GRXCR2: variants seen among roughly 807,000 people sequenced by gnomAD.
GRXCR2 encodes glutaredoxin domain-containing cysteine-rich protein 2.
GRXCR2 carries 23 observed loss-of-function variants against 24.8 expected under a neutral mutation model. The ratio of observed to expected loss-of-function variants is 0.93; its 90% CI spans 0.67 to 1.32. The LOEUF (loss-of-function observed/expected upper bound fraction) is 1.32. GRXCR2 is among the 40% of genes most tolerant of loss of function. The pLI, the probability that GRXCR2 is intolerant of heterozygous loss-of-function variation, is 0.00. For synonymous variants in GRXCR2, 130 were observed against 116.1 expected, an observed-to-expected ratio of 1.12 and a Z score of -0.77; for missense variants, 315 against 303.4, an observed-to-expected ratio of 1.04 and a Z score of -0.28.
chr5:145,916,171 C>T (rs185157482), intron 2 of GRXCR2, among the ~76,000 whole-genome samples: 6 of 151,672 alleles, frequency 4.0e-5, no homozygotes, highest in Admixed American at 2.6e-4. Context: ...TCATGTGTGA[C>T]GAGAAAGAAA....
At chr5:145,877,134 TAAAG>T (rs757928940), upstream of GRXCR2, among the ~76,000 whole-genome samples, 30 of 152,218 alleles carry the variant, frequency 2.0e-4, no homozygotes, top group African/African-American at 7.0e-4. Flanking sequence ...AAAATCATTT[TAAAG>T]AAAGAAAGAT....
chr5:145,875,274 G>C (rs1323590685), upstream of GRXCR2, among the ~76,000 whole-genome samples: 1 of 152,200 alleles, frequency 6.6e-6, no homozygotes, highest in South Asian at 2.1e-4. Flanking sequence ...AGGTGGCTGG[G>C]CGCGGTGGCT....
intron 2 of GRXCR2, among the ~76,000 whole-genome samples, chr5:145,930,735 G>A (rs1033808090): frequency 2.0e-5 from 3 of 152,276 alleles, no homozygotes; most frequent in South Asian, 2.1e-4. Flanking sequence ...ATTAGTCTGC[G>A]TTAGAATGAG....
intron 2 of GRXCR2, among the ~76,000 whole-genome samples, chr5:145,860,868 A>G (rs1756325654): frequency 1.3e-5 from 2 of 152,130 alleles, no homozygotes. Flanking sequence ...ATTATCTGTC[A>G]GATCATAGGT....
At chr5:145,897,060 C>T (rs1290847307) in intron 2 of GRXCR2, among the ~76,000 whole-genome samples, 2 of 144,670 alleles carry the variant, frequency 1.4e-5, no homozygotes, top group Middle Eastern at 3.6e-3. Flanking sequence ...CACATGTTCT[C>T]ACTCATAGGT....
chr5:145,910,837 A>AGTGT (rs59096502), intron 2 of GRXCR2, among the ~76,000 whole-genome samples: 32,366 of 150,186 alleles, frequency 0.22, 3,953 homozygotes, highest in Admixed American at 0.32. Context: ...AACTATGTGA[A>AGTGT]GTGTGTGTGT....
At chr5:145,876,214 TATACAC>T (rs1162832808), upstream of GRXCR2, among the ~76,000 whole-genome samples, 22 of 139,698 alleles carry the variant, frequency 1.6e-4, no homozygotes, top group African/African-American at 5.4e-4. Context: ...TATATATATA[TATACAC>T]ACACACACAC....
intron 2 of GRXCR2, among the ~76,000 whole-genome samples, chr5:145,901,512 T>G (rs1285182365): frequency 2.0e-5 from 3 of 152,120 alleles, no homozygotes; most frequent in Non-Finnish European, 2.9e-5. Flanking sequence ...GAGGTAAAAA[T>G]GCAGAGATTC....
At chr5:145,899,447 C>G (rs1182934331) in intron 2 of GRXCR2, among the ~76,000 whole-genome samples, 4 of 152,008 alleles carry the variant, frequency 2.6e-5, no homozygotes, top group African/African-American at 9.7e-5. Context: ...GCTCAAATAG[C>G]CAAAGCAATT....
At chr5:145,892,011 C>T (rs1044890953) in intron 2 of GRXCR2, among the ~76,000 whole-genome samples, 2 of 152,134 alleles carry the variant, frequency 1.3e-5, no homozygotes, top group Non-Finnish European at 2.9e-5. Flanking sequence ...CTGCTGATAC[C>T]CAGGCAAACA....
chr5:145,928,732 T>G lies in GRXCR2; in HGVS notation c.-70+6969A>C, dbSNP rs1027002620. Among the ~76,000 whole-genome samples the G allele has an allele frequency of 4.4e-3, 509 of 115,864 alleles. 1 individual carries two copies. Among genetic ancestry groups the G allele is most frequent in the Non-Finnish European group, 6.4e-3 (387 of 60,816 alleles). The allele number at this position is 115,864 out of a possible 152,430, so 76.0% of individuals were successfully genotyped here. ...ACACATGGACACAGGAAGGGGAACA[T>G]CACACACCAGGGCCTGTTGTGGGGT... On this transcript the variant is annotated intron_variant, in intron 2 of 3. Coordinates refer to the GRXCR2 transcript ENST00000639411.
chr5:145,891,238 C>T (rs1756860911), intron 2 of GRXCR2, among the ~76,000 whole-genome samples: 1 of 152,114 alleles, frequency 6.6e-6, no homozygotes, highest in African/African-American at 2.4e-5. Context: ...TCTGCATTTC[C>T]AACTGAGGTA....
At chr5:145,878,906 G>A (rs953204536) in intron 2 of GRXCR2, among the ~76,000 whole-genome samples, 1 of 151,912 alleles carries the variant, frequency 6.6e-6, no homozygotes, top group African/African-American at 2.4e-5. Context: ...CATTCTTAAA[G>A]AAAATTTTCA....
chr5:145,860,967 C>T (rs1441910856), intron 2 of GRXCR2, among the ~76,000 whole-genome samples: 1 of 152,048 alleles, frequency 6.6e-6, no homozygotes, highest in Admixed American at 6.6e-5. Context: ...TTGCTCTCCC[C>T]CTTAAAGCTA....
chr5:145,883,372 G>A (rs1756731848), intron 2 of GRXCR2, among the ~76,000 whole-genome samples: 2 of 152,072 alleles, frequency 1.3e-5, no homozygotes, highest in African/African-American at 4.8e-5. Flanking sequence ...TAAGTAAACT[G>A]TACCTAAAAC....
intron 2 of GRXCR2, among the ~76,000 whole-genome samples, chr5:145,881,219 A>C (rs1756696306): frequency 6.6e-6 from 1 of 152,226 alleles, no homozygotes; most frequent in Non-Finnish European, 1.5e-5. Flanking sequence ...GTATTCAATT[A>C]GGAAAAGAGG....
At position 145,915,613 on chromosome 5, in the gene GRXCR2, C is replaced by T. The variant is rs1757225639; in HGVS notation, c.-70+20088G>A. Among the ~76,000 whole-genome samples the T allele has an allele frequency of 3.3e-5, 5 of 151,788 alleles. No individual in the cohort carries two copies. In the South Asian group the frequency reaches 6.3e-4, roughly 19 times the overall value. On this transcript the variant is annotated intron_variant, in intron 2 of 3. Transcript: ENST00000639411. ...CAGCCTGGCCAATATGGTGAAACCCCGACTCTACTAAAAATACAAAAATTA... is the reference window on the plus strand; with the variant it reads ...CAGCCTGGCCAATATGGTGAAACCCTGACTCTACTAAAAATACAAAAATTA...
rs547533305 is a variant in GRXCR2 at position 145,925,181 on chromosome 5, G to A, written c.-70+10520C>T. On this transcript the variant is annotated intron_variant, in intron 2 of 3. Coordinates refer to the GRXCR2 transcript ENST00000639411. Reference sequence around the variant, plus strand: ...GCACAGCATGTTTAAGTAATTTGCTGTAGGTCACACTCTTATTTAATAAGA... The same window carrying A: ...GCACAGCATGTTTAAGTAATTTGCTATAGGTCACACTCTTATTTAATAAGA... Among the ~76,000 whole-genome samples the A allele has an allele frequency of 2.6e-5, 4 of 152,266 alleles. No homozygotes were observed. The South Asian group carries it at 6.2e-4, about 24-fold the overall frequency.
intron 2 of GRXCR2, 39 bp downstream of exon 2, chr5:145,866,460 AGG>A: frequency 6.9e-7 from 1 of 1,459,470 alleles, no homozygotes; most frequent in South Asian, 1.2e-5. Flanking sequence ...CCATTGCTGT[AGG>A]GCCAGCTCCG....
Sources: allele counts gnomAD v4.1 joint callset (sites outside exome capture counted in the v4.1 genomes callset), GRCh38; gene constraint gnomAD v4.1.1; transcripts MANE v1.5; gene names NCBI Gene and HGNC (gene_info 2026-07-23, HGNC 2026-07-21).